The following BMP2 variants were observed in gnomAD, a reference collection of about 807,000 sequenced individuals.
The protein encoded by BMP2 is bone morphogenetic protein 2A.
BMP2 carries 2 observed loss-of-function variants against 28.8 expected under a neutral mutation model. The ratio of observed to expected loss-of-function variants is 0.07; its 90% CI spans 0.03 to 0.22. The LOEUF (loss-of-function observed/expected upper bound fraction) is 0.22, where lower values mean the gene tolerates loss of function less well. BMP2 is among the 10% of genes least tolerant of loss of function. The pLI is 1.00. For synonymous variants in BMP2, 218 were observed against 204.3 expected, an observed-to-expected ratio of 1.07 and a Z score of -0.57; for missense variants, 437 against 517.7, an observed-to-expected ratio of 0.84 and a Z score of 1.51.
rs983424099 is a variant in BMP2 at position 6,768,375 on chromosome 20, C to T, written c.-508C>T. The T allele has an allele frequency of 9.0e-5, 35 of 387,034 alleles. No individual in the cohort carries two copies. Among genetic ancestry groups the T allele is most frequent in the Non-Finnish European group, 8.7e-5 (19 of 219,438 alleles). 24.0% of individuals were successfully genotyped at this position (387,034 alleles called of 1,614,324 possible). On this transcript the variant is annotated 5_prime_UTR_variant, in exon 1 of 3. Coordinates refer to ENST00000378827, the MANE Select transcript of BMP2 (RefSeq NM_001200.4). The stretch of plus-strand genomic sequence containing the variant: ...GGCTGCCCCGAGCCATGGGCCGCGG[C>T]GGAGCTAGCGCGGAGCGCCCGACCC...
chr20:6,777,274 T>C (rs1286881979), intron 2 of BMP2, among the ~76,000 whole-genome samples: 1 of 152,184 alleles, frequency 6.6e-6, no homozygotes, highest in East Asian at 1.9e-4. Context: ...ATAGTGGATA[T>C]AGAAGGATTA....
In BMP2 at chr20:6,767,852, G is replaced by C. The variant is rs1422282750; in HGVS notation, c.-1031G>C. On this transcript the variant is annotated 5_prime_UTR_variant, in exon 1 of 3. Transcript: ENST00000378827. Reference sequence around the variant, plus strand: ...CTACCCGAACGTTCTCGGGGCCAGCGCCGAGTGGATCACCGGGGACCGCGA... The same window carrying C: ...CTACCCGAACGTTCTCGGGGCCAGCCCCGAGTGGATCACCGGGGACCGCGA... 2.9e-6 allele frequency: 1 copy of C among 349,862 alleles called. No homozygotes were observed. Among genetic ancestry groups the C allele is most frequent in the African/African-American group, 2.1e-5 (1 of 46,596 alleles). The allele number at this position is 349,862 out of a possible 1,614,324, so 21.7% of individuals were successfully genotyped here.
rs963716650 is a variant in BMP2, at chr20:6,767,974, G to C, written c.-909G>C. ...GCTGCCCGGGCTGCGCCAGAGCCGCGGACGGGCGCGCAGAGCGCCGGGGAC... is the reference window on the plus strand; with the variant it reads ...GCTGCCCGGGCTGCGCCAGAGCCGCCGACGGGCGCGCAGAGCGCCGGGGAC... On this transcript the variant is annotated 5_prime_UTR_variant, in exon 1 of 3. Transcript: ENST00000378827. The C allele has an allele frequency of 8.1e-5, 32 of 396,762 alleles. No individual in the cohort carries two copies. The highest frequency in any genetic ancestry group is 3.5e-4 in the Admixed American group (8 of 22,636). The allele number at this position is 396,762 out of a possible 1,614,324, so 24.6% of individuals were successfully genotyped here. A position where few individuals can be genotyped will look rare whatever the true frequency, so the allele number is the denominator to read the frequency against.
chr20:6,779,086 C>G lies in BMP2; in HGVS notation c.1188C>G (p.Arg396=), dbSNP rs2122391994. 3 of 1,508,848 alleles carry G rather than the reference C, an allele frequency of 2.0e-6. No individual in the cohort carries two copies. Among genetic ancestry groups the G allele is most frequent in the Middle Eastern group, 1.8e-4 (1 of 5,648 alleles). 93.5% of individuals were successfully genotyped at this position (1,508,848 alleles called of 1,614,324 possible). A position where few individuals can be genotyped will look rare whatever the true frequency, so the allele number is the denominator to read the frequency against. The change falls in exon 3 of 3, where the codon CGC becomes CGG. Residue 396 remains arginine, a synonymous_variant. Transcript: ENST00000378827. ...TGGTTGTGGAGGGTTGTGGGTGTCG[C>G]TAGTACAGCAAAATTAAATACATAA... is the stretch of plus-strand genomic sequence containing the variant. ...QDMVVEGCGC[R]
intron 2 of BMP2, among the ~76,000 whole-genome samples, chr20:6,773,275 T>A (rs1986435580): frequency 6.6e-6 from 1 of 152,190 alleles, no homozygotes; most frequent in East Asian, 1.9e-4. Flanking sequence ...GTGGCACAAA[T>A]TCCCCCGTGC....
At chr20:6,775,074 A>G (rs1257085967) in intron 2 of BMP2, among the ~76,000 whole-genome samples, 1 of 152,204 alleles carries the variant, frequency 6.6e-6, no homozygotes, top group Non-Finnish European at 1.5e-5. Context: ...GAAATCCTCA[A>G]ATCCCTTAAG....
rs777271234 is a variant in BMP2 at position 6,768,514 on chromosome 20, CG to C, written c.-368del. On this transcript the variant is annotated 5_prime_UTR_variant, in exon 1 of 3. It introduces an in-frame stop codon into an upstream open reading frame of the 5' UTR. Transcript: ENST00000378827. Reference sequence around the variant, plus strand: ...CCTTTCTCCCTTCCCTTCCCTGCCCCGCACTCCTCCCCCTGCTCGCTGTTGT... The same window carrying C: ...CCTTTCTCCCTTCCCTTCCCTGCCCCCACTCCTCCCCCTGCTCGCTGTTGT... 6.1e-5 allele frequency: 24 copies of C among 393,562 alleles called. 1 individual carries two copies. Among genetic ancestry groups the C allele is most frequent in the Admixed American group, 5.3e-4 (12 of 22,534 alleles). The allele number at this position is 393,562 out of a possible 1,614,324, so 24.4% of individuals were successfully genotyped here.
chr20:6,775,929 A>G (rs1986491775), intron 2 of BMP2, among the ~76,000 whole-genome samples: 1 of 152,014 alleles, frequency 6.6e-6, no homozygotes, highest in African/African-American at 2.4e-5. Context: ...GCTCTAGATA[A>G]TTTTCCTTGC....
intron 2 of BMP2, among the ~76,000 whole-genome samples, chr20:6,776,463 A>T (rs553525102): frequency 2.0e-5 from 3 of 152,168 alleles, no homozygotes; most frequent in Non-Finnish European, 4.4e-5. Context: ...TTTTTATATT[A>T]TTTAACAAAA....
chr20:6,767,820 C>G lies in BMP2; in HGVS notation c.-1063C>G. 1 of 332,686 alleles carries G rather than the reference C, an allele frequency of 3.0e-6. No homozygotes were observed. The highest frequency in any genetic ancestry group is 5.4e-6 in the Non-Finnish European group (1 of 184,362). The allele number at this position is 332,686 out of a possible 1,614,324, so 20.6% of individuals were successfully genotyped here. ...CGCCGCACATCTGCCGCCACAGCCT[C>G]CGCCGGCTACCCGAACGTTCTCGGG... is the stretch of plus-strand genomic sequence containing the variant. On this transcript the variant is annotated 5_prime_UTR_variant, in exon 1 of 3. Coordinates refer to ENST00000378827, the MANE Select transcript of BMP2 (RefSeq NM_001200.4).
intron 2 of BMP2, among the ~76,000 whole-genome samples, chr20:6,771,180 C>T (rs1376663012): frequency 7.1e-6 from 1 of 140,256 alleles, no homozygotes; most frequent in Non-Finnish European, 1.6e-5. Context: ...TCATGTGCAC[C>T]GAAATGTGGA....
rs1296012081 is a variant in BMP2 at position 6,778,603 on chromosome 20, G to C, written c.705G>C (p.Glu235Asp). The change falls in exon 3 of 3, where the codon GAG (glutamate) becomes GAC (aspartate). Residue 235 changes from glutamate to aspartate, a missense_variant. Coordinates refer to ENST00000378827, the MANE Select transcript of BMP2 (RefSeq NM_001200.4). The surrounding 1 kb of genome is among the most constrained non-coding windows in gnomAD (Gnocchi z 5.0). ...TGGTGGAAGTGGCCCACTTGGAGGAGAAACAAGGTGTCTCCAAGAGACATG... is the reference window on the plus strand; with the variant it reads ...TGGTGGAAGTGGCCCACTTGGAGGACAAACAAGGTGTCTCCAAGAGACATG... ...GFVVEVAHLE[E>D]KQGVSKRHVR... 6.2e-6 allele frequency: 10 copies of C among 1,613,924 alleles called. No individual in the cohort carries two copies. The highest frequency in any genetic ancestry group is 1.6e-4 in the Middle Eastern group (1 of 6,084).
At position 6,778,468 on chromosome 20, in the gene BMP2, A is replaced by T. The variant is rs235768; in HGVS notation, c.570A>T (p.Arg190Ser). The T allele has an allele frequency of 0.64, 1,038,089 of 1,613,906 alleles. 339,264 individuals are homozygous for T. The highest frequency in any genetic ancestry group is 0.93 in the African/African-American group (70,007 of 74,994). The change falls in exon 3 of 3, where the codon AGA becomes AGT. Residue 190 changes from arginine (R) to serine (S), a missense_variant. By Grantham distance (110) the Arg-to-Ser change is moderately radical. Transcript: ENST00000378827. The surrounding 1 kb of genome is among the most constrained non-coding windows in gnomAD (Gnocchi z 5.0). Reference sequence around the variant, plus strand: ...CCAACTCGAAATTCCCCGTGACCAGACTTTTGGACACCAGGTTGGTGAATC... The same window carrying T: ...CCAACTCGAAATTCCCCGTGACCAGTCTTTTGGACACCAGGTTGGTGAATC... ...ATANSKFPVT[R>S]LLDTRLVNQN...
intron 1 of BMP2, 45 bp downstream of exon 1, chr20:6,768,920 G>T: frequency 5.0e-6 from 2 of 398,540 alleles, no homozygotes; most frequent in South Asian, 1.3e-4. Flanking sequence ...TGGGTGGGAG[G>T]GGGATTTGGG....
At chr20:6,769,612 G>GGTGTGTGTGT (rs61071559) in intron 1 of BMP2, among the ~76,000 whole-genome samples, 15,289 of 139,836 alleles carry the variant, frequency 0.11, 941 homozygotes, top group East Asian at 0.22. Context: ...AAGCTATAAG[G>GGTGTGTGTGT]GTGTGTGTGT....
rs1380060032 is a variant in BMP2, at chr20:6,778,891, T to C, written c.993T>C (p.Phe331=). ...TTTACTGCCACGGAGAATGCCCTTT[T>C]CCTCTGGCTGATCATCTGAACTCCA... ...HAFYCHGECP[F]PLADHLNSTN... Residue 331 remains phenylalanine, a synonymous_variant, in exon 3 of 3, where the codon TTT becomes TTC. Transcript: ENST00000378827. This position sits in a 1 kb window ranked among gnomAD's most constrained non-coding sequence, Gnocchi z 5.0. 6.2e-7 allele frequency: 1 copy of C among 1,614,078 alleles called. No individual in the cohort carries two copies. The highest frequency in any genetic ancestry group is 1.7e-5 in the Admixed American group (1 of 60,006).
chr20:6,770,384 C>G lies in BMP2; in HGVS notation c.258C>G (p.His86Gln). 1 of 1,613,228 alleles carries G rather than the reference C, an allele frequency of 6.2e-7. No individual in the cohort carries two copies. The highest frequency in any genetic ancestry group is 8.5e-7 in the Non-Finnish European group (1 of 1,179,938). Reference protein sequence around the residue: ...PPYMLDLYRRHSGQPGSPAPD... With the variant: ...PPYMLDLYRRQSGQPGSPAPD... ...ACATGCTAGACCTGTATCGCAGGCACTCAGGTCAGCCGGGCTCACCCGCCC... is the reference window on the plus strand; with the variant it reads ...ACATGCTAGACCTGTATCGCAGGCAGTCAGGTCAGCCGGGCTCACCCGCCC... The change falls in exon 2 of 3, where the codon CAC (histidine) becomes CAG (glutamine). Residue 86 changes from histidine (H) to glutamine (Q), a missense_variant. Physicochemically the swap from His to Gln is conservative, Grantham distance 24. Around this residue, in one of 2 missense-constraint regions of BMP2, gnomAD observed 363 missense variants for 392.8 expected, o/e 0.92. Coordinates refer to ENST00000378827, the MANE Select transcript of BMP2 (RefSeq NM_001200.4).
chr20:6,774,284 G>C (rs970825389), intron 2 of BMP2, among the ~76,000 whole-genome samples: 2 of 152,044 alleles, frequency 1.3e-5, no homozygotes, highest in Non-Finnish European at 2.9e-5. Context: ...CCAGCACTTT[G>C]GGAGGCTTAG....
At position 6,768,450 on chromosome 20, in the gene BMP2, G is replaced by A; in HGVS notation, c.-433G>A. The A allele has an allele frequency of 2.5e-6, 1 of 392,560 alleles. No individual in the cohort carries two copies. Among genetic ancestry groups the A allele is most frequent in the Non-Finnish European group, 4.5e-6 (1 of 222,636 alleles). 24.3% of individuals were successfully genotyped at this position (392,560 alleles called of 1,614,324 possible). Reference sequence around the variant, plus strand: ...CCCCGCGCGGGGCCACGCGTCCCTCGGGCGCTGGTTCCTAAGGAGGACGAC... The same window carrying A: ...CCCCGCGCGGGGCCACGCGTCCCTCAGGCGCTGGTTCCTAAGGAGGACGAC... On this transcript the variant is annotated 5_prime_UTR_variant, in exon 1 of 3. Transcript: ENST00000378827.
Sources: allele counts gnomAD v4.1 joint callset (sites outside exome capture counted in the v4.1 genomes callset), GRCh38; gene constraint gnomAD v4.1.1; regional missense constraint gnomAD v4.1.1; non-coding constraint Gnocchi (gnomAD v3.1); transcripts MANE v1.5; gene names NCBI Gene and HGNC (gene_info 2026-07-23, HGNC 2026-07-21).